Variants in PDE3B observed in about 807,000 individuals in gnomAD.
PDE3B encodes the protein phosphodiesterase 3B, also known as cGMP-inhibited 3',5'-cyclic phosphodiesterase 3B.
A neutral mutation model predicts 116.8 loss-of-function variants in PDE3B; 66 were observed. That is an observed-to-expected ratio of 0.56 (90% CI 0.46 to 0.69). The LOEUF (loss-of-function observed/expected upper bound fraction) is 0.69, where lower values mean the gene tolerates loss of function less well. PDE3B is among the 30% of genes least tolerant of loss of function. PDE3B has a pLI of 0.00. For missense variants in PDE3B, 1,384 were observed against 1,368.1 expected, an observed-to-expected ratio of 1.01 and a Z score of -0.18; for synonymous variants, 595 against 533.6, an observed-to-expected ratio of 1.12 and a Z score of -1.59.
At chr11:14,743,747 A>G (rs1434895850) in intron 1 of PDE3B, among the ~76,000 whole-genome samples, 1 of 152,178 alleles carries the variant, frequency 6.6e-6, no homozygotes, top group Non-Finnish European at 1.5e-5. Context: ...GGAAATGCGT[A>G]CTATCTGGGC....
the PDE3B span, chr11:14,891,234 G>A: frequency 1.0e-6 from 1 of 984,876 alleles, no homozygotes; most frequent in East Asian, 1.1e-4. Flanking sequence ...GAGGAGGAGC[G>A]AAGTACCGAC....
chr11:14,647,203 A>G (rs1478769218), intron 1 of PDE3B, among the ~76,000 whole-genome samples: 2 of 152,014 alleles, frequency 1.3e-5, no homozygotes, highest in East Asian at 1.9e-4. Context: ...GTATATGACA[A>G]TGGTAAAAAC....
the PDE3B span, chr11:14,891,739 G>A: frequency 1.4e-5 from 18 of 1,331,742 alleles, no homozygotes; most frequent in Non-Finnish European, 1.5e-5. Context: ...GGACTGGATC[G>A]CCTCGGAGCC....
chr11:14,820,098 T>C (rs1389759691), intron 7 of PDE3B, among the ~76,000 whole-genome samples: 1 of 152,202 alleles, frequency 6.6e-6, no homozygotes, highest in East Asian at 1.9e-4. Context: ...CTTACCCTTT[T>C]AAAGTGTGCA....
rs756365264 is a variant in PDE3B at position 14,644,386 on chromosome 11, G to A, written c.311G>A (p.Gly104Glu). The A allele has an allele frequency of 1.0e-5, 16 of 1,602,864 alleles. No homozygotes were observed. The East Asian group carries it at 3.4e-4, about 34-fold the overall frequency. The change falls in exon 1 of 16, where the codon GGG becomes GAG. Residue 104 changes from glycine (G) to glutamate (E), a missense_variant. By Grantham distance (98) the Gly-to-Glu change is moderately conservative. Around this residue, in one of 2 missense-constraint regions of PDE3B, gnomAD observed 956 missense variants for 806.8 expected, o/e 1.18. Coordinates refer to ENST00000282096, the MANE Select transcript of PDE3B (RefSeq NM_000922.4). ...LGAEPESWAA[G>E]AAWLRTLLSV... ...GCGGAACCCGAGAGCTGGGCTGCCGGGGCCGCCTGGCTGCGGACGCTGCTG... is the reference window on the plus strand; with the variant it reads ...GCGGAACCCGAGAGCTGGGCTGCCGAGGCCGCCTGGCTGCGGACGCTGCTG...
chr11:14,820,963 T>C (rs1859499178), intron 7 of PDE3B, among the ~76,000 whole-genome samples: 1 of 152,250 alleles, frequency 6.6e-6, no homozygotes, highest in Admixed American at 6.5e-5. Context: ...ATGTAATTTA[T>C]ACTCAATAAA....
chr11:14,725,327 CTTT>C (rs1225721860), intron 1 of PDE3B, among the ~76,000 whole-genome samples: 1 of 107,188 alleles, frequency 9.3e-6, no homozygotes, highest in African/African-American at 3.2e-5. Context: ...TTCTTTCTTT[CTTT>C]TTCTTTCTTT....
chr11:14,858,753 T>G (rs782165037), intron 12 of PDE3B, among the ~76,000 whole-genome samples: 12 of 152,300 alleles, frequency 7.9e-5, no homozygotes, highest in African/African-American at 9.6e-5. Flanking sequence ...CAACTTTACA[T>G]CTCTTGGGAG....
chr11:14,683,370 T>C (rs1018259476), intron 1 of PDE3B, among the ~76,000 whole-genome samples: 1 of 152,160 alleles, frequency 6.6e-6, no homozygotes, highest in Non-Finnish European at 1.5e-5. Context: ...ATAGAATTAC[T>C]CAGAATATCT....
intron 7 of PDE3B, among the ~76,000 whole-genome samples, chr11:14,822,380 C>T (rs1000352440): frequency 2.0e-5 from 3 of 152,216 alleles, no homozygotes; most frequent in African/African-American, 7.2e-5. Flanking sequence ...TGAGTACATA[C>T]AGCACCTTCA....
chr11:14,698,580 C>A (rs1855276835), intron 1 of PDE3B, among the ~76,000 whole-genome samples: 1 of 151,782 alleles, frequency 6.6e-6, no homozygotes, highest in African/African-American at 2.4e-5. Flanking sequence ...CTATAATTTT[C>A]TTTTCTTGTG....
At chr11:14,749,895 A>G (rs562549432) in intron 1 of PDE3B, among the ~76,000 whole-genome samples, 750 of 46,510 alleles carry the variant, frequency 0.016, 22 homozygotes, top group Non-Finnish European at 0.026. Context: ...AAATAAATAT[A>G]TCCCATATAT....
intron 1 of PDE3B, among the ~76,000 whole-genome samples, chr11:14,745,644 CTT>C (rs1271317025): frequency 6.6e-6 from 1 of 152,070 alleles, no homozygotes; most frequent in Non-Finnish European, 1.5e-5. Context: ...GGATAGGAAT[CTT>C]TTATTATGTA....
chr11:14,672,283 A>G (rs1854395822), intron 1 of PDE3B, among the ~76,000 whole-genome samples: 1 of 151,902 alleles, frequency 6.6e-6, no homozygotes, highest in African/African-American at 2.4e-5. Flanking sequence ...CTATCTGAAC[A>G]CAGGGCTTTT....
intron 12 of PDE3B, 49 bp downstream of exon 12, chr11:14,844,075 G>A (rs1156297506): frequency 6.7e-6 from 9 of 1,348,088 alleles, no homozygotes; most frequent in Non-Finnish European, 9.6e-6. Flanking sequence ...GAAATTTTCA[G>A]TCATGCTGTG....
chr11:14,745,937 A>G (rs577986976), intron 1 of PDE3B, among the ~76,000 whole-genome samples: 55 of 152,364 alleles, frequency 3.6e-4, no homozygotes, highest in Middle Eastern at 3.4e-3. Flanking sequence ...CCCTAATAAC[A>G]TAGCATCCAT....
chr11:14,866,206 TA>T (rs1565171232), intron 14 of PDE3B, among the ~76,000 whole-genome samples: 1 of 152,184 alleles, frequency 6.6e-6, no homozygotes, highest in Non-Finnish European at 1.5e-5. Flanking sequence ...TATATATCAC[TA>T]AAAACAATAT....
rs554659523 is a variant in PDE3B at position 14,735,294 on chromosome 11, A to G, written c.979-36643A>G. 9.4e-3 allele frequency among the ~76,000 whole-genome samples: 1,427 copies of G among 152,280 alleles called. 13 individuals carry two copies. Among genetic ancestry groups the G allele is most frequent in the Middle Eastern group, 0.017 (5 of 294 alleles). On this transcript the variant is annotated intron_variant, in intron 1 of 15. Transcript: ENST00000282096. Reference sequence around the variant, plus strand: ...GTGTGACAAAGATAGAAAGTAGAGGAATGTGATACAAAGGGAGAAATAAAA... The same window carrying G: ...GTGTGACAAAGATAGAAAGTAGAGGGATGTGATACAAAGGGAGAAATAAAA...
chr11:14,735,517 G>A (rs1276276874), intron 1 of PDE3B, among the ~76,000 whole-genome samples: 1 of 152,124 alleles, frequency 6.6e-6, no homozygotes, highest in Non-Finnish European at 1.5e-5. Context: ...AGAACGAAAA[G>A]GTGAAAGAAA....
Sources: allele counts gnomAD v4.1 joint callset (sites outside exome capture counted in the v4.1 genomes callset), GRCh38; gene constraint gnomAD v4.1.1; regional missense constraint gnomAD v4.1.1; transcripts MANE v1.5; gene names NCBI Gene and HGNC (gene_info 2026-07-23, HGNC 2026-07-21).